MCC: variants seen among roughly 807,000 people sequenced by gnomAD.
MCC encodes colorectal mutant cancer protein.
MCC carries 90 observed loss-of-function variants against 116.2 expected under a neutral mutation model. The observed-to-expected ratio is 0.77, with a 90% confidence interval of 0.65 to 0.92. The LOEUF (loss-of-function observed/expected upper bound fraction) is 0.92, where lower values mean the gene tolerates loss of function less well. Among genes scored for constraint, MCC ranks in the 40% least tolerant of loss-of-function variants. The probability of loss-of-function intolerance (pLI) is 0.00; values close to 1 mark genes in which losing one functional copy is unlikely to be tolerated. For missense variants in MCC, 1,516 were observed against 1,312.2 expected, an observed-to-expected ratio of 1.16 and a Z score of -2.40; for synonymous variants, 578 against 510.5, an observed-to-expected ratio of 1.13 and a Z score of -1.78.
At chr5:113,094,729 A>G (rs1050542399) in intron 8 of MCC, among the ~76,000 whole-genome samples, 9 of 152,110 alleles carry the variant, frequency 5.9e-5, no homozygotes, top group African/African-American at 2.2e-4. Context: ...CAATGTTCCT[A>G]ATTTCTTACC....
chr5:113,311,381 C>T lies in MCC; in HGVS notation c.627+29138G>A, dbSNP rs867764789. On this transcript the variant is annotated intron_variant, in intron 3 of 18. Coordinates refer to ENST00000408903, the MANE Select transcript of MCC (RefSeq NM_001085377.2). ...GTCATGTTTCCTCTTACATATCTGC[C>T]GCTAACGTGAGTGCATGTCTAGGCC... Among the ~76,000 whole-genome samples, 11 of 152,208 alleles carry T rather than the reference C, an allele frequency of 7.2e-5. No homozygotes were observed. In the Middle Eastern group the frequency reaches 0.014, roughly 188 times the overall value.
At chr5:113,163,631 CAAG>C (rs1311987852) in intron 3 of MCC, among the ~76,000 whole-genome samples, 2 of 152,166 alleles carry the variant, frequency 1.3e-5, no homozygotes, top group Admixed American at 6.5e-5. Flanking sequence ...AGCTCATGAA[CAAG>C]AAGAACTGTA....
chr5:113,180,392 A>T (rs1052100024), intron 3 of MCC, among the ~76,000 whole-genome samples: 1 of 152,234 alleles, frequency 6.6e-6, no homozygotes, highest in Admixed American at 6.5e-5. Flanking sequence ...TATATTGTAT[A>T]GAGAACCCAC....
chr5:113,022,167 TATAA>T lies in MCC; in HGVS notation c.*5131_*5134del, dbSNP rs780775632. On this transcript the variant is annotated 3_prime_UTR_variant, in exon 19 of 19. Coordinates refer to ENST00000408903, the MANE Select transcript of MCC (RefSeq NM_001085377.2). Reference sequence around the variant, plus strand: ...TTGTAAAATATTATAAATGTCTCTGTATAAATAAATGGAGTTTTTAAAAAACAAT... The same window carrying T: ...TTGTAAAATATTATAAATGTCTCTGTATAAATGGAGTTTTTAAAAAACAAT... 15 of 152,624 alleles carry T rather than the reference TATAA, an allele frequency of 9.8e-5. No homozygotes were observed. Among genetic ancestry groups the T allele is most frequent in the South Asian group, 4.1e-4 (2 of 4,834 alleles). 9.5% of individuals were successfully genotyped at this position (152,624 alleles called of 1,614,324 possible). A position where few individuals can be genotyped will look rare whatever the true frequency, so the allele number is the denominator to read the frequency against.
At chr5:113,388,128 A>C (rs1490151701) in intron 1 of MCC, among the ~76,000 whole-genome samples, 1 of 152,214 alleles carries the variant, frequency 6.6e-6, no homozygotes, top group Admixed American at 6.5e-5. Context: ...GTGGTCTAGA[A>C]ATACCAACTC....
chr5:113,466,890 ATGG>A (rs1403827260), intron 1 of MCC, among the ~76,000 whole-genome samples: 1 of 152,182 alleles, frequency 6.6e-6, no homozygotes, highest in Non-Finnish European at 1.5e-5. Context: ...CTGGTGTGAG[ATGG>A]TATCTCACTG....
intron 3 of MCC, among the ~76,000 whole-genome samples, chr5:113,281,763 C>G (rs1281500957): frequency 6.6e-6 from 1 of 152,198 alleles, no homozygotes; most frequent in African/African-American, 2.4e-5. Context: ...GGCAGTGAGA[C>G]TCTCAGCATT....
Position 113,140,429 on chromosome 5 carries a change from C to G in MCC, c.884+2789G>C, listed in dbSNP as rs1164911258. ...CAAATTCTCACGATTTCACCTTTTCCTACCAATGCTTAATCTTCACTTAAG... is the reference window on the plus strand; with the variant it reads ...CAAATTCTCACGATTTCACCTTTTCGTACCAATGCTTAATCTTCACTTAAG... On this transcript the variant is annotated intron_variant, in intron 5 of 18. Coordinates refer to ENST00000408903, the MANE Select transcript of MCC (RefSeq NM_001085377.2). Among the ~76,000 whole-genome samples the G allele has an allele frequency of 2.6e-5, 4 of 152,120 alleles. No homozygotes were observed. The East Asian group carries it at 7.7e-4, about 29-fold the overall frequency.
chr5:113,042,289 T>C (rs1751760997), intron 17 of MCC, among the ~76,000 whole-genome samples: 1 of 130,466 alleles, frequency 7.7e-6, no homozygotes, highest in Non-Finnish European at 1.6e-5. Flanking sequence ...CTGGGCAACG[T>C]AGGGAGACCC....
At chr5:113,073,613 GGTT>G (rs1754197641) in intron 11 of MCC, among the ~76,000 whole-genome samples, 1 of 151,374 alleles carries the variant, frequency 6.6e-6, no homozygotes, top group African/African-American at 2.4e-5. Flanking sequence ...CAGGCCTCAT[GGTT>G]GTTAAGTGGC....
intron 8 of MCC, among the ~76,000 whole-genome samples, chr5:113,096,267 G>A (rs1218228762): frequency 1.3e-5 from 2 of 152,216 alleles, no homozygotes; most frequent in Non-Finnish European, 2.9e-5. Flanking sequence ...CATGTCCAGT[G>A]GGTGACCAAA....
At chr5:113,110,233 G>C (rs1470671196) in intron 6 of MCC, among the ~76,000 whole-genome samples, 2 of 152,182 alleles carry the variant, frequency 1.3e-5, no homozygotes, top group African/African-American at 4.8e-5. Flanking sequence ...AGAAGAATTT[G>C]AGGTTGCTTA....
At chr5:113,148,084 A>G (rs1052972251) in intron 4 of MCC, among the ~76,000 whole-genome samples, 6 of 152,260 alleles carry the variant, frequency 3.9e-5, no homozygotes, top group African/African-American at 1.4e-4. Context: ...TTAATTTAAA[A>G]TAATTGTTGG....
intron 3 of MCC, among the ~76,000 whole-genome samples, chr5:113,251,515 G>A (rs948229451): frequency 6.6e-6 from 1 of 152,182 alleles, no homozygotes; most frequent in African/African-American, 2.4e-5. Flanking sequence ...TGATTCAGGA[G>A]GGCAGCAGTA....
At chr5:113,416,222 G>T (rs1770142698) in intron 1 of MCC, among the ~76,000 whole-genome samples, 2 of 152,140 alleles carry the variant, frequency 1.3e-5, no homozygotes, top group South Asian at 2.1e-4. Flanking sequence ...AAAGAATAAG[G>T]TCCCGACTTT....
chr5:113,250,414 G>A (rs1324339836), intron 3 of MCC, among the ~76,000 whole-genome samples: 3 of 152,194 alleles, frequency 2.0e-5, no homozygotes, highest in South Asian at 2.1e-4. Flanking sequence ...CAAAGGTCAC[G>A]TAACATGACG....
chr5:113,058,831 G>A (rs2150226355), intron 14 of MCC, among the ~76,000 whole-genome samples: 1 of 152,358 alleles, frequency 6.6e-6, no homozygotes, highest in East Asian at 1.9e-4. Flanking sequence ...CACCTGTCCT[G>A]TGGGAGTAAG....
chr5:113,143,098 T>G (rs1488985974), intron 5 of MCC, 120 bp downstream of exon 5: 15 of 1,037,642 alleles, frequency 1.4e-5, no homozygotes, highest in Non-Finnish European at 1.3e-6. Context: ...CATTATAATC[T>G]AGTTTATAAT....
chr5:113,417,887 A>G (rs255877), intron 1 of MCC, among the ~76,000 whole-genome samples: 69,247 of 151,610 alleles, frequency 0.46, 17,704 homozygotes, highest in African/African-American at 0.69. Context: ...GAGCTGAGAT[A>G]GTGCTACTGC....
Sources: gnomAD v4.1 joint callset for allele counts (sites outside exome capture counted in the v4.1 genomes callset) on GRCh38, gnomAD v4.1.1 for gene constraint, MANE v1.5 for transcripts, NCBI Gene and HGNC (gene_info 2026-07-23, HGNC 2026-07-21) for gene names.